ABCB1: variants seen among roughly 807,000 people sequenced by gnomAD.
The protein encoded by ABCB1 is ATP binding cassette subfamily B member 1.
In ABCB1, 69 loss-of-function variants were observed where a neutral mutation model predicts 142.0. That is an observed-to-expected ratio of 0.49 (90% CI 0.40 to 0.59). The LOEUF (loss-of-function observed/expected upper bound fraction) is 0.59. Ranked by LOEUF, ABCB1 falls within the 20% of genes least tolerant of loss-of-function variation. The probability of loss-of-function intolerance (pLI) is 0.00; values close to 1 mark genes in which losing one functional copy is unlikely to be tolerated. For missense variants in ABCB1, 1,326 were observed against 1,554.7 expected (o/e 0.85, Z 2.47); for synonymous variants, 532 against 539.2 (o/e 0.99, Z 0.18).
rs1191107366 is a variant in ABCB1 at position 87,531,443 on chromosome 7, C to T, written c.2536G>A (p.Gly846Arg). 6.2e-7 allele frequency: 1 copy of T among 1,613,388 alleles called. No individual in the cohort carries two copies. The highest frequency in any genetic ancestry group is 8.5e-7 in the Non-Finnish European group (1 of 1,179,678). ...ITQNIANLGT[G>R]IIISFIYGWQ... ...CCATAGATGAAGGATATAATTATTC[C>T]TGTCCCAAGATTTGCTATATTCTGG... Residue 846 changes from glycine (G) to arginine (R), a missense_variant, in exon 21 of 28, where the codon GGA becomes AGA. By Grantham distance (125) the Gly-to-Arg change is moderately radical. Transcript: ENST00000622132.
chr7:87,658,926 C>T (rs971895314), intron 1 of ABCB1, among the ~76,000 whole-genome samples: 5 of 152,104 alleles, frequency 3.3e-5, no homozygotes, highest in Admixed American at 6.5e-5. Flanking sequence ...CCAAAGCAAG[C>T]GGATCACTTG....
At chr7:87,637,878 A>G (rs1563092749) in intron 1 of ABCB1, among the ~76,000 whole-genome samples, 7 of 151,518 alleles carry the variant, frequency 4.6e-5, no homozygotes, top group South Asian at 4.2e-4. Flanking sequence ...TCCTTTTTCA[A>G]TCTTTATGGC....
chr7:87,708,618 AT>A (rs1829810568), intron 1 of ABCB1, among the ~76,000 whole-genome samples: 1 of 151,988 alleles, frequency 6.6e-6, no homozygotes, highest in South Asian at 2.1e-4. Flanking sequence ...TTTAATTTTA[AT>A]TTTCCCACTC....
chr7:87,595,866 A>T, intron 2 of ABCB1, 52 bp from the exon 3 acceptor site: 5 of 1,339,260 alleles, frequency 3.7e-6, no homozygotes, highest in Non-Finnish European at 5.3e-6. Flanking sequence ...CATATTTTTT[A>T]AATTACCCAA....
At chr7:87,558,975 T>G (rs1817430045) in intron 8 of ABCB1, among the ~76,000 whole-genome samples, 1 of 152,160 alleles carries the variant, frequency 6.6e-6, no homozygotes. Context: ...TTTAGCTAAT[T>G]ATTTATTTAT....
intron 1 of ABCB1, among the ~76,000 whole-genome samples, chr7:87,706,422 CAG>C (rs1563149627): frequency 6.6e-6 from 1 of 152,070 alleles, no homozygotes; most frequent in Non-Finnish European, 1.5e-5. Flanking sequence ...GAATCTAAAA[CAG>C]AGTCGATCCC....
At chr7:87,688,269 A>G (rs921481542) in intron 1 of ABCB1, among the ~76,000 whole-genome samples, 5 of 152,120 alleles carry the variant, frequency 3.3e-5, no homozygotes, top group Non-Finnish European at 7.4e-5. Flanking sequence ...TTGCATATGG[A>G]ATAAAATGAA....
intron 1 of ABCB1, among the ~76,000 whole-genome samples, chr7:87,705,452 A>G (rs1189673399): frequency 6.6e-6 from 1 of 151,996 alleles, no homozygotes; most frequent in Non-Finnish European, 1.5e-5. Flanking sequence ...AACAACAACA[A>G]AAAAAAACAA....
At chr7:87,677,675 G>T (rs1356062087) in intron 1 of ABCB1, among the ~76,000 whole-genome samples, 13 of 151,896 alleles carry the variant, frequency 8.6e-5, no homozygotes, top group Non-Finnish European at 1.5e-5. Context: ...ATCCAAAACA[G>T]AACAAAACAA....
At chr7:87,642,794 A>G (rs1244071014) in intron 1 of ABCB1, among the ~76,000 whole-genome samples, 1 of 152,186 alleles carries the variant, frequency 6.6e-6, no homozygotes, top group Non-Finnish European at 1.5e-5. Context: ...GCAATACAAG[A>G]TGTTAATAAT....
intron 1 of ABCB1, among the ~76,000 whole-genome samples, chr7:87,624,404 A>G (rs1820334141): frequency 6.6e-6 from 1 of 152,170 alleles, no homozygotes; most frequent in Non-Finnish European, 1.5e-5. Flanking sequence ...GGTTTATAGC[A>G]CTTTATATAT....
chr7:87,550,808 T>G lies in ABCB1; in HGVS notation c.1030A>C (p.Ser344Arg), dbSNP rs1817030401. Residue 344 changes from serine (S) to arginine (R), a missense_variant, in exon 10 of 28, where the codon AGT becomes CGT. Ser to Arg is a moderately radical substitution (Grantham distance 110). Coordinates refer to ENST00000622132, the MANE Select transcript of ABCB1 (RefSeq NM_001348946.2). ...ATGCTTGGAGATGCCTGTCCAACAC[T>G]AAAAGCCCCAATTAATACAGAAAAG... ...VFFSVLIGAF[S>R]VGQASPSIEA... 6.2e-7 allele frequency: 1 copy of G among 1,613,088 alleles called. No individual in the cohort carries two copies. The highest frequency in any genetic ancestry group is 8.5e-7 in the Non-Finnish European group (1 of 1,179,212).
chr7:87,628,091 G>A (rs1399447581), intron 1 of ABCB1, among the ~76,000 whole-genome samples: 5 of 152,210 alleles, frequency 3.3e-5, no homozygotes, highest in Non-Finnish European at 7.3e-5. Context: ...CACGCAAATA[G>A]GTATCAGCCG....
intron 1 of ABCB1, among the ~76,000 whole-genome samples, chr7:87,707,324 A>C (rs919456870): frequency 1.3e-5 from 2 of 152,184 alleles, no homozygotes; most frequent in African/African-American, 4.8e-5. Context: ...AAGAAAATGG[A>C]AATAAATATG....
chr7:87,681,500 TTACAC>T (rs1826924635), intron 1 of ABCB1, among the ~76,000 whole-genome samples: 1 of 150,814 alleles, frequency 6.6e-6, no homozygotes, highest in Admixed American at 6.6e-5. Context: ...AAAGTTGTAT[TTACAC>T]TACACTGTAA....
chr7:87,571,032 T>C (rs1431895684), intron 4 of ABCB1, among the ~76,000 whole-genome samples: 1 of 152,248 alleles, frequency 6.6e-6, no homozygotes, highest in Non-Finnish European at 1.5e-5. Flanking sequence ...AACATACTTA[T>C]ACACATATGT....
chr7:87,561,814 C>T (rs533810510), intron 7 of ABCB1, among the ~76,000 whole-genome samples: 207 of 152,086 alleles, frequency 1.4e-3, no homozygotes, highest in African/African-American at 4.7e-3. Context: ...GGCAAGACCC[C>T]GCCTCTACAA....
chr7:87,558,391 C>G (rs746850549), intron 8 of ABCB1, among the ~76,000 whole-genome samples: 3 of 152,124 alleles, frequency 2.0e-5, no homozygotes, highest in Non-Finnish European at 4.4e-5. Context: ...ATGATAGGTA[C>G]CCAGAGATCT....
chr7:87,504,179 C>A lies in ABCB1; in HGVS notation c.*64G>T. On this transcript the variant is annotated 3_prime_UTR_variant, in exon 28 of 28. Coordinates refer to ENST00000622132, the MANE Select transcript of ABCB1 (RefSeq NM_001348946.2). ...TAATTCTGTAAGTGTTTGCTTTTAA[C>A]TTTGAATAAATGTCATATCTAAACA... The A allele has an allele frequency of 6.3e-7, 1 of 1,599,218 alleles. No homozygotes were observed. The highest frequency in any genetic ancestry group is 8.6e-7 in the Non-Finnish European group (1 of 1,169,418).
Sources: allele counts gnomAD v4.1 joint callset (sites outside exome capture counted in the v4.1 genomes callset), GRCh38; gene constraint gnomAD v4.1.1; transcripts MANE v1.5; gene names NCBI Gene and HGNC (gene_info 2026-07-23, HGNC 2026-07-21).